CSMD1: variants seen among roughly 807,000 people sequenced by gnomAD.
The protein encoded by CSMD1 is CUB and Sushi multiple domains 1.
Under a neutral mutation model 417.5 loss-of-function variants are expected in CSMD1, and 213 were observed. That is an observed-to-expected ratio of 0.51 (90% CI 0.46 to 0.57). CSMD1 has a LOEUF of 0.57. Among genes scored for constraint, CSMD1 ranks in the 20% least tolerant of loss-of-function variants. CSMD1 has a pLI of 0.00. For synonymous variants in CSMD1, 2,862 were observed against 1,736.8 expected (o/e 1.65, Z -16.11); for missense variants, 6,923 against 4,529.7 (o/e 1.53, Z -15.17).
chr8:3,232,463 T>C (rs142204160), intron 26 of CSMD1, among the ~76,000 whole-genome samples: 2 of 152,326 alleles, frequency 1.3e-5, no homozygotes, highest in East Asian at 3.9e-4. Context: ...ATTGCAGGAA[T>C]GCACCATGAT....
intron 5 of CSMD1, among the ~76,000 whole-genome samples, chr8:3,916,532 T>A (rs1409238633): frequency 6.6e-6 from 1 of 152,178 alleles, no homozygotes; most frequent in Non-Finnish European, 1.5e-5. Context: ...TACGCCTAGG[T>A]TGAAACATTT....
In CSMD1 at chr8:4,225,378, T is replaced by G. The variant is rs573006060; in HGVS notation, c.416-193279A>C. Among the ~76,000 whole-genome samples the G allele has an allele frequency of 2.6e-5, 4 of 152,310 alleles. No homozygotes were observed. The South Asian group carries it at 6.2e-4, about 24-fold the overall frequency. ...TGTAATTAACAATATACATCGTGTT[T>G]CTCATGAATTTCTAGTTCGTAAGCC... On this transcript the variant is annotated intron_variant, in intron 3 of 69. Transcript: ENST00000635120.
intron 1 of CSMD1, among the ~76,000 whole-genome samples, chr8:4,756,519 ATAT>A (rs1263608176): frequency 3.9e-5 from 6 of 152,216 alleles, no homozygotes; most frequent in African/African-American, 1.4e-4. Context: ...CCCATGCTTA[ATAT>A]TATTCTGGTC....
At chr8:3,179,146 C>G (rs200754077) in intron 37 of CSMD1, among the ~76,000 whole-genome samples, 2 of 150,510 alleles carry the variant, frequency 1.3e-5, no homozygotes, top group South Asian at 2.1e-4. Context: ...GGGGTTTCAA[C>G]GTGTTAGCCA....
At chr8:4,891,162 T>G (rs114940819) in intron 1 of CSMD1, among the ~76,000 whole-genome samples, 1 of 152,114 alleles carries the variant, frequency 6.6e-6, no homozygotes, top group Admixed American at 6.5e-5. Flanking sequence ...TTTGAGTCAA[T>G]GAGATTTCTG....
chr8:3,509,018 C>A (rs1284229295), intron 10 of CSMD1, among the ~76,000 whole-genome samples: 3 of 152,188 alleles, frequency 2.0e-5, no homozygotes, highest in Non-Finnish European at 4.4e-5. Flanking sequence ...TTGTCTCTTG[C>A]AAGCTATCTG....
At chr8:4,199,866 C>A (rs1481301753) in intron 3 of CSMD1, among the ~76,000 whole-genome samples, 1 of 152,034 alleles carries the variant, frequency 6.6e-6, no homozygotes, top group Non-Finnish European at 1.5e-5. Context: ...AAGGGCTTAC[C>A]ATGACAATAT....
chr8:4,046,129 A>T (rs1286059843), intron 3 of CSMD1, among the ~76,000 whole-genome samples: 1 of 152,058 alleles, frequency 6.6e-6, no homozygotes, highest in Non-Finnish European at 1.5e-5. Context: ...TATATATCTG[A>T]TATATATGTA....
chr8:4,044,632 A>G (rs1173045991), intron 3 of CSMD1, among the ~76,000 whole-genome samples: 1 of 130,042 alleles, frequency 7.7e-6, no homozygotes, highest in Non-Finnish European at 1.7e-5. Flanking sequence ...AAGAAGAGAC[A>G]TAGCGCACCC....
chr8:4,991,841 G>A (rs1253241479), intron 1 of CSMD1, among the ~76,000 whole-genome samples: 2 of 152,302 alleles, frequency 1.3e-5, no homozygotes, highest in Admixed American at 6.5e-5. Flanking sequence ...GCCGGTACAG[G>A]AGCTCGCACT....
chr8:4,952,127 A>G (rs1329822502), intron 1 of CSMD1, among the ~76,000 whole-genome samples: 1 of 151,866 alleles, frequency 6.6e-6, no homozygotes, highest in Non-Finnish European at 1.5e-5. Flanking sequence ...AATTTCACTA[A>G]ATATCTTGCA....
At chr8:3,642,556 G>A (rs1430075701) in intron 7 of CSMD1, among the ~76,000 whole-genome samples, 1 of 152,088 alleles carries the variant, frequency 6.6e-6, no homozygotes, top group Non-Finnish European at 1.5e-5. Flanking sequence ...AAGTTCCAAG[G>A]AACAGAAGTT....
chr8:4,235,315 A>T (rs1466696893), intron 3 of CSMD1, among the ~76,000 whole-genome samples: 1 of 152,128 alleles, frequency 6.6e-6, no homozygotes, highest in Non-Finnish European at 1.5e-5. Context: ...AGAAATTTTA[A>T]AATTTATATA....
intron 6 of CSMD1, among the ~76,000 whole-genome samples, chr8:3,735,895 A>G (rs1259633737): frequency 1.3e-5 from 2 of 152,198 alleles, no homozygotes; most frequent in African/African-American, 4.8e-5. Context: ...AGAGTTATAA[A>G]TAAAACAGAC....
intron 3 of CSMD1, among the ~76,000 whole-genome samples, chr8:4,278,486 A>T (rs1214429151): frequency 6.6e-6 from 1 of 152,258 alleles, no homozygotes; most frequent in Non-Finnish European, 1.5e-5. Context: ...CAGCATTTTA[A>T]TATTAGGTTG....
intron 1 of CSMD1, among the ~76,000 whole-genome samples, chr8:4,938,182 G>A (rs1393766119): frequency 6.6e-6 from 1 of 152,130 alleles, no homozygotes; most frequent in African/African-American, 2.4e-5. Context: ...TATAGAAATA[G>A]TCAGAACTGT....
intron 3 of CSMD1, among the ~76,000 whole-genome samples, chr8:4,044,901 C>G (rs1360911046): frequency 6.6e-6 from 1 of 151,472 alleles, no homozygotes. Context: ...AGACTGACTT[C>G]TCCCACAAAA....
intron 3 of CSMD1, among the ~76,000 whole-genome samples, chr8:4,087,860 T>G (rs1366859936): frequency 6.6e-6 from 1 of 152,186 alleles, no homozygotes; most frequent in Non-Finnish European, 1.5e-5. Context: ...TTACGTGACC[T>G]AGGTGAATTT....
chr8:4,894,598 T>A (rs531220120), intron 1 of CSMD1, among the ~76,000 whole-genome samples: 1 of 151,818 alleles, frequency 6.6e-6, no homozygotes, highest in East Asian at 1.9e-4. Context: ...ATATTGTGAA[T>A]GAAATAATAT....
Sources: gnomAD v4.1 joint callset for allele counts (sites outside exome capture counted in the v4.1 genomes callset) on GRCh38, gnomAD v4.1.1 for gene constraint, MANE v1.5 for transcripts, NCBI Gene and HGNC (gene_info 2026-07-23, HGNC 2026-07-21) for gene names.